Variants in KLHL1 observed in about 807,000 individuals in gnomAD.
The protein encoded by KLHL1 is kelch-like protein 1.
Under a neutral mutation model 77.7 loss-of-function variants are expected in KLHL1, and 47 were observed. The observed-to-expected ratio is 0.60, with a 90% CI of 0.48 to 0.77. The LOEUF (loss-of-function observed/expected upper bound fraction) is 0.77. Ranked by LOEUF, KLHL1 falls within the 30% of genes least tolerant of loss-of-function variation. KLHL1 has a pLI of 0.00. For missense variants in KLHL1, 925 were observed against 910.8 expected (o/e 1.02, Z -0.20); for synonymous variants, 360 against 325.2 (o/e 1.11, Z -1.15).
chr13:69,732,959 T>C (rs1225325721), intron 8 of KLHL1, among the ~76,000 whole-genome samples: 1 of 152,278 alleles, frequency 6.6e-6, no homozygotes, highest in African/African-American at 2.4e-5. Flanking sequence ...ATTTTAACCA[T>C]GTCTTTTAGT....
At chr13:70,035,732 G>C (rs1886221729) in intron 1 of KLHL1, among the ~76,000 whole-genome samples, 1 of 151,820 alleles carries the variant, frequency 6.6e-6, no homozygotes, top group Non-Finnish European at 1.5e-5. Flanking sequence ...CTGATGGAAG[G>C]GCAAAAGCTT....
intron 1 of KLHL1, among the ~76,000 whole-genome samples, chr13:69,996,823 T>C (rs1885163734): frequency 6.6e-6 from 1 of 151,522 alleles, no homozygotes; most frequent in Non-Finnish European, 1.5e-5. Context: ...AAACTTTAAG[T>C]GGCCTATGAC....
intron 4 of KLHL1, among the ~76,000 whole-genome samples, chr13:69,916,632 G>A (rs929658603): frequency 2.0e-5 from 3 of 151,838 alleles, no homozygotes; most frequent in Non-Finnish European, 2.9e-5. Context: ...GGAGATATAC[G>A]TAATGTTAAA....
chr13:69,925,436 G>A (rs1167982726), intron 4 of KLHL1, among the ~76,000 whole-genome samples: 1 of 152,094 alleles, frequency 6.6e-6, no homozygotes, highest in African/African-American at 2.4e-5. Flanking sequence ...TGAAGAAATT[G>A]TAATTCTTTG....
intron 5 of KLHL1, among the ~76,000 whole-genome samples, chr13:69,865,604 C>T (rs1331896621): frequency 1.3e-5 from 2 of 151,892 alleles, no homozygotes; most frequent in East Asian, 1.9e-4. Context: ...ACATGGAGTC[C>T]GTTGCATAAA....
intron 5 of KLHL1, among the ~76,000 whole-genome samples, chr13:69,855,709 G>T (rs1479377364): frequency 6.6e-6 from 1 of 151,258 alleles, no homozygotes; most frequent in Non-Finnish European, 1.5e-5. Flanking sequence ...TAAGTTTCCT[G>T]AGGCCTCACC....
chr13:69,969,348 T>G (rs560192172), intron 2 of KLHL1, among the ~76,000 whole-genome samples: 1 of 152,208 alleles, frequency 6.6e-6, no homozygotes, highest in African/African-American at 2.4e-5. Flanking sequence ...GTCAACTTTT[T>G]ATAATCTCAG....
At chr13:69,808,556 AAATCAAGAAGTCAC>A (rs1877723635) in intron 6 of KLHL1, among the ~76,000 whole-genome samples, 1 of 152,156 alleles carries the variant, frequency 6.6e-6, no homozygotes, top group East Asian at 1.9e-4. Flanking sequence ...CAGAATAAAA[AAATCAAGAAGTCAC>A]ATCCAAATGA....
intron 1 of KLHL1, among the ~76,000 whole-genome samples, chr13:70,041,573 G>T (rs189902547): frequency 1.3e-5 from 2 of 152,152 alleles, no homozygotes; most frequent in African/African-American, 4.8e-5. Flanking sequence ...TACTGTGCCT[G>T]GAAGGGGTAG....
intron 1 of KLHL1, among the ~76,000 whole-genome samples, chr13:70,037,343 G>A (rs143468065): frequency 6.6e-5 from 10 of 152,042 alleles, no homozygotes; most frequent in South Asian, 4.1e-4. Context: ...CTATAAGCAC[G>A]TTGAACATAT....
chr13:69,950,633 A>AT (rs1166454900), intron 3 of KLHL1, among the ~76,000 whole-genome samples: 1 of 151,682 alleles, frequency 6.6e-6, no homozygotes, highest in East Asian at 1.9e-4. Flanking sequence ...AAGTAACATA[A>AT]TTTGTCTATC....
chr13:70,059,825 A>G (rs1352103868), intron 1 of KLHL1, among the ~76,000 whole-genome samples: 3 of 152,142 alleles, frequency 2.0e-5, no homozygotes, highest in African/African-American at 7.2e-5. Flanking sequence ...TGAGACTTAA[A>G]AGGAGGAAGA....
Position 69,701,706 on chromosome 13 carries a change from G to A in KLHL1, c.2243C>T (p.Pro748Leu), listed in dbSNP as rs769025400. The change falls in exon 11 of 11, where the codon CCT becomes CTT. Residue 748 changes from proline (P) to leucine (L), a missense_variant. By Grantham distance (98) the Pro-to-Leu change is moderately conservative. Coordinates refer to ENST00000377844, the MANE Select transcript of KLHL1 (RefSeq NM_020866.3). ...AGACVVVIKQ[P>L] is the part of the protein sequence containing the mutation. ...TCCAAGTAAAATATCAATAAGTCAA[G>A]GTTGCTTGATGACTACCACACAGGC... The A allele has an allele frequency of 1.2e-6, 2 of 1,605,514 alleles. No individual in the cohort carries two copies. Among genetic ancestry groups the A allele is most frequent in the African/African-American group, 2.7e-5 (2 of 74,592 alleles).
chr13:69,932,529 T>C (rs1229509491), intron 4 of KLHL1, among the ~76,000 whole-genome samples: 2 of 151,922 alleles, frequency 1.3e-5, no homozygotes, highest in Non-Finnish European at 2.9e-5. Flanking sequence ...CTTATAAGTT[T>C]AAATGTGTGT....
intron 7 of KLHL1, among the ~76,000 whole-genome samples, chr13:69,750,488 G>C (rs1432070270): frequency 6.6e-6 from 1 of 150,520 alleles, no homozygotes; most frequent in African/African-American, 2.5e-5. Flanking sequence ...TTTCCAGTGA[G>C]ATATTAAATA....
Position 69,744,016 on chromosome 13 carries a change from C to T in KLHL1, c.1640-3460G>A, listed in dbSNP as rs550294149. On this transcript the variant is annotated intron_variant, in intron 7 of 10. Coordinates refer to ENST00000377844, the MANE Select transcript of KLHL1 (RefSeq NM_020866.3). ...GCAAATAAATAGGCAGTTAAATATA[C>T]ATGCCTACAGTTCAAGACAATGTTA... Among the ~76,000 whole-genome samples, 255 of 152,162 alleles carry T rather than the reference C, an allele frequency of 1.7e-3. 2 individuals carry two copies. Among genetic ancestry groups the T allele is most frequent in the African/African-American group, 6.0e-3 (251 of 41,530 alleles).
intron 8 of KLHL1, among the ~76,000 whole-genome samples, chr13:69,735,099 T>TA (rs1873707757): frequency 6.6e-6 from 1 of 151,998 alleles, no homozygotes; most frequent in African/African-American, 2.4e-5. Flanking sequence ...ATAGTTAGAG[T>TA]ATTTATGCAA....
intron 5 of KLHL1, among the ~76,000 whole-genome samples, chr13:69,841,585 T>C (rs189498490): frequency 7.6e-4 from 115 of 151,936 alleles, no homozygotes; most frequent in Non-Finnish European, 1.3e-3. Context: ...AAAAATCCCA[T>C]GCTCACAGAT....
rs562534228 is a variant in KLHL1 at position 69,925,575 on chromosome 13, G to A, written c.1014+14465C>T. 1.3e-3 allele frequency among the ~76,000 whole-genome samples: 191 copies of A among 152,098 alleles called. 1 individual carries two copies. The highest frequency in any genetic ancestry group is 2.3e-3 in the Non-Finnish European group (156 of 67,980). On this transcript the variant is annotated intron_variant, in intron 4 of 10. Coordinates refer to ENST00000377844, the MANE Select transcript of KLHL1 (RefSeq NM_020866.3). ...TGTTGAAGGATTATTTAATTTACTA[G>A]AAGAATATGACTTTGTATGATTCAC...
Sources: allele counts gnomAD v4.1 joint callset (sites outside exome capture counted in the v4.1 genomes callset), GRCh38; gene constraint gnomAD v4.1.1; transcripts MANE v1.5; gene names NCBI Gene and HGNC (gene_info 2026-07-23, HGNC 2026-07-21).